The following FUT8 variants were observed in gnomAD, a reference collection of about 807,000 sequenced individuals.
The protein encoded by FUT8 is fucosyltransferase 8.
FUT8 carries 29 observed loss-of-function variants against 71.3 expected under a neutral mutation model. The ratio of observed to expected loss-of-function variants is 0.41; its 90% CI spans 0.30 to 0.55. The LOEUF (loss-of-function observed/expected upper bound fraction) is 0.55, where lower values mean the gene tolerates loss of function less well. Among genes scored for constraint, FUT8 ranks in the 20% least tolerant of loss-of-function variants. The pLI is 0.34. For missense variants in FUT8, 544 were observed against 702.1 expected, an observed-to-expected ratio of 0.77 and a Z score of 2.55; for synonymous variants, 254 against 239.3, an observed-to-expected ratio of 1.06 and a Z score of -0.57.
At chr14:65,733,506 TACTC>T (rs1025873227) in intron 10 of FUT8, 125 bp downstream of exon 10, 6 of 606,998 alleles carry the variant, frequency 9.9e-6, no homozygotes, top group African/African-American at 9.5e-5. Context: ...ATTTTTCTGA[TACTC>T]AGTAATGATC....
chr14:65,425,468 GTT>G (rs557101189), intron 1 of FUT8, among the ~76,000 whole-genome samples: 96 of 119,518 alleles, frequency 8.0e-4, no homozygotes, highest in South Asian at 3.1e-3. Context: ...ATGCCTGGCC[GTT>G]TTTTTTTTTT....
At chr14:65,713,891 AT>A (rs1894926156) in intron 7 of FUT8, among the ~76,000 whole-genome samples, 1 of 151,840 alleles carries the variant, frequency 6.6e-6, no homozygotes, top group Non-Finnish European at 1.5e-5. Flanking sequence ...CCATTTGTCC[AT>A]TTTTGCTTTG....
intron 2 of FUT8, among the ~76,000 whole-genome samples, chr14:65,548,126 G>A (rs1246447305): frequency 6.6e-6 from 1 of 151,944 alleles, no homozygotes. Flanking sequence ...TTATTAGACT[G>A]GATTCATGGT....
the FUT8 span, among the ~76,000 whole-genome samples, chr14:65,386,525 AAAAAG>A: frequency 2.0e-4 from 31 of 151,326 alleles, 1 homozygote; most frequent in East Asian, 3.1e-3. Flanking sequence ...AAAAAAAAAA[AAAAAG>A]AAAGGGAAGT....
At chr14:65,516,607 CTA>C (rs1882723828) in intron 2 of FUT8, among the ~76,000 whole-genome samples, 1 of 151,944 alleles carries the variant, frequency 6.6e-6, no homozygotes, top group Non-Finnish European at 1.5e-5. Context: ...ATTTTTGTAA[CTA>C]TTTTATTAAT....
intron 9 of FUT8, among the ~76,000 whole-genome samples, chr14:65,727,337 C>A (rs1007105718): frequency 6.6e-6 from 1 of 152,194 alleles, no homozygotes; most frequent in African/African-American, 2.4e-5. Context: ...AAACTTCTGC[C>A]TGGGCATCCA....
At chr14:65,560,086 G>T (rs1885825509) in intron 2 of FUT8, among the ~76,000 whole-genome samples, 1 of 152,036 alleles carries the variant, frequency 6.6e-6, no homozygotes, top group South Asian at 2.1e-4. Context: ...TTGAATATTG[G>T]TGTTTTAAAA....
At chr14:65,671,218 T>C (rs1186860075) in intron 7 of FUT8, among the ~76,000 whole-genome samples, 2 of 152,186 alleles carry the variant, frequency 1.3e-5, no homozygotes, top group African/African-American at 4.8e-5. Flanking sequence ...GTCAGAAAAG[T>C]GAAAAGTTAC....
chr14:65,611,301 A>ACCC (rs145798842), intron 3 of FUT8, among the ~76,000 whole-genome samples: 1 of 38,592 alleles, frequency 2.6e-5, no homozygotes, highest in African/African-American at 1.4e-4. Flanking sequence ...ACACACACAC[A>ACCC]CCCCCCAAGT....
chr14:65,435,827 A>G (rs1347294490), intron 1 of FUT8, among the ~76,000 whole-genome samples: 2 of 146,198 alleles, frequency 1.4e-5, no homozygotes, highest in African/African-American at 5.1e-5. Flanking sequence ...CTCTTATAAT[A>G]GGTGTATAGT....
rs895064833 is a variant in FUT8 at position 65,743,074 on chromosome 14, A to G, written c.*664A>G. The G allele has an allele frequency of 2.6e-5, 4 of 152,234 alleles. No homozygotes were observed. Among genetic ancestry groups the G allele is most frequent in the Admixed American group, 1.3e-4 (2 of 15,224 alleles). 9.4% of individuals were successfully genotyped at this position (152,234 alleles called of 1,614,324 possible). On this transcript the variant is annotated 3_prime_UTR_variant, in exon 11 of 11. Coordinates refer to ENST00000673929, the MANE Select transcript of FUT8 (RefSeq NM_001371533.1). The stretch of plus-strand genomic sequence containing the variant: ...AAAATTTTGTAAAACAATGCCATGA[A>G]CAAATTCTTTAGTACTCAATGTTTC...
At chr14:65,361,373 G>C in the FUT8 span, among the ~76,000 whole-genome samples, 1 of 140,974 alleles carries the variant, frequency 7.1e-6, no homozygotes, top group Admixed American at 7.0e-5. Flanking sequence ...AAAAAAAAAA[G>C]CTCTATAAAT....
chr14:65,383,265 C>CTTTTTTTTCTTTTTTTT, the FUT8 span, among the ~76,000 whole-genome samples: 82 of 86,514 alleles, frequency 9.5e-4, no homozygotes, highest in South Asian at 4.1e-3. Flanking sequence ...TTTTTCTTTT[C>CTTTTTTTTCTTTTTTTT]TTTTTTTTTT....
chr14:65,371,466 A>C, the FUT8 span, among the ~76,000 whole-genome samples: 4 of 152,246 alleles, frequency 2.6e-5, no homozygotes, highest in Admixed American at 6.5e-5. Context: ...TTCAGTCTAG[A>C]AGAATTAATT....
At chr14:65,412,448 G>A (rs1184052484), upstream of FUT8, 5 of 419,840 alleles carry the variant, frequency 1.2e-5, no homozygotes, top group African/African-American at 2.0e-5. Context: ...GGATCCGCTC[G>A]CGCCCCGCTC....
At chr14:65,602,942 T>C (rs1246505141) in intron 3 of FUT8, among the ~76,000 whole-genome samples, 1 of 152,004 alleles carries the variant, frequency 6.6e-6, no homozygotes, top group Non-Finnish European at 1.5e-5. Context: ...TTTTTCCCAC[T>C]CTGTGGGTTG....
At chr14:65,437,453 C>T (rs1010150277) in intron 1 of FUT8, among the ~76,000 whole-genome samples, 1 of 152,088 alleles carries the variant, frequency 6.6e-6, no homozygotes, top group African/African-American at 2.4e-5. Context: ...GTACTTGGGA[C>T]CTCCAAAGGT....
chr14:65,658,603 TACAC>T (rs1206669513), intron 6 of FUT8, among the ~76,000 whole-genome samples: 1 of 151,182 alleles, frequency 6.6e-6, no homozygotes, highest in South Asian at 2.1e-4. Flanking sequence ...AATGAGCTAT[TACAC>T]ACAAGTTGGA....
the FUT8 span, among the ~76,000 whole-genome samples, chr14:65,396,477 G>A: frequency 4.6e-5 from 7 of 152,232 alleles, no homozygotes; most frequent in African/African-American, 1.4e-4. The surrounding 1 kb of genome is among the most constrained non-coding windows in gnomAD (Gnocchi z 5.5). Flanking sequence ...CAAACAAAAC[G>A]GGGTTTCCCC....
Sources: gnomAD v4.1 joint callset for allele counts (sites outside exome capture counted in the v4.1 genomes callset) on GRCh38, gnomAD v4.1.1 for gene constraint, Gnocchi (gnomAD v3.1) non-coding constraint, MANE v1.5 for transcripts, NCBI Gene and HGNC (gene_info 2026-07-23, HGNC 2026-07-21) for gene names.